The following LMNB1 variants were observed in gnomAD, a reference collection of about 807,000 sequenced individuals.
LMNB1 encodes lamin B1.
LMNB1 carries 23 observed loss-of-function variants against 67.1 expected under a neutral mutation model. The observed-to-expected ratio is 0.34, with a 90% CI of 0.25 to 0.49. The LOEUF is 0.49. LMNB1 is among the 20% of genes least tolerant of loss of function. The pLI is 0.99. For missense variants in LMNB1, 634 were observed against 746.5 expected (o/e 0.85, Z 1.76); for synonymous variants, 281 against 282.9 (o/e 0.99, Z 0.07).
chr5:126,777,995 A>G (rs2112912602), intron 1 of LMNB1, 128 bp downstream of exon 1: 1 of 825,682 alleles, frequency 1.2e-6, no homozygotes, highest in Non-Finnish European at 1.7e-6. Context: ...CTGAAGGAAC[A>G]GGGTCTCGGT....
chr5:126,824,293 GA>G (rs778621765), intron 8 of LMNB1, among the ~76,000 whole-genome samples: 2 of 152,054 alleles, frequency 1.3e-5, no homozygotes, highest in Admixed American at 6.6e-5. Flanking sequence ...AAAAAAGAAA[GA>G]CATGAATTTT....
chr5:126,781,686 T>C (rs1273140080), intron 1 of LMNB1, among the ~76,000 whole-genome samples: 2 of 152,160 alleles, frequency 1.3e-5, no homozygotes, highest in Admixed American at 1.3e-4. Flanking sequence ...TCCACCCACC[T>C]CGGCCTCCCA....
chr5:126,802,893 G>A (rs560364888), intron 1 of LMNB1, among the ~76,000 whole-genome samples: 78 of 152,166 alleles, frequency 5.1e-4, no homozygotes, highest in African/African-American at 1.8e-3. Context: ...AAAAAAAGTG[G>A]TTATTTAGAG....
At chr5:126,815,690 A>G (rs1172840380) in intron 5 of LMNB1, among the ~76,000 whole-genome samples, 3 of 152,214 alleles carry the variant, frequency 2.0e-5, no homozygotes, top group Non-Finnish European at 4.4e-5. Flanking sequence ...TAGTGAGATT[A>G]GTTACAGCTT....
chr5:126,810,183 A>G lies in LMNB1; in HGVS notation c.646A>G (p.Ile216Val), dbSNP rs575690626. ...ATGCTTTTTGTTTTTTCCCCAGGAG[A>G]TTAACGAGACCAGAAGGAAGCATGA... ...EFRKSMYEEE[I>V]NETRRKHETR... The change falls in exon 4 of 11, where the codon ATT (isoleucine) becomes GTT (valine). Residue 216 changes from isoleucine (I) to valine (V), a missense_variant. Physicochemically the swap from Ile to Val is conservative, Grantham distance 29. Transcript: ENST00000261366. 8.1e-6 allele frequency: 13 copies of G among 1,610,296 alleles called. No individual in the cohort carries two copies. The South Asian group carries it at 1.2e-4, about 15-fold the overall frequency.
chr5:126,803,546 C>G (rs1561743598), intron 1 of LMNB1, among the ~76,000 whole-genome samples: 2 of 149,958 alleles, frequency 1.3e-5, no homozygotes, highest in African/African-American at 4.9e-5. Context: ...CCACGCCCGG[C>G]CTGTTTGTTT....
intron 9 of LMNB1, among the ~76,000 whole-genome samples, chr5:126,829,863 C>A (rs1752088419): frequency 1.3e-5 from 2 of 151,922 alleles, no homozygotes; most frequent in Admixed American, 1.3e-4. Flanking sequence ...GGGTGTGTAC[C>A]CAGGTAAACC....
At chr5:126,808,459 G>A (rs1295396976) in intron 3 of LMNB1, among the ~76,000 whole-genome samples, 1 of 151,886 alleles carries the variant, frequency 6.6e-6, no homozygotes, top group Non-Finnish European at 1.5e-5. Flanking sequence ...AAAGTGCTGG[G>A]ATTACAGGTG....
intron 1 of LMNB1, among the ~76,000 whole-genome samples, chr5:126,784,863 C>T (rs955186274): frequency 1.3e-5 from 2 of 151,326 alleles, no homozygotes; most frequent in Non-Finnish European, 2.9e-5. Context: ...TGGGTTTCAC[C>T]GTGTTAGCCG....
chr5:126,794,663 A>G (rs900748550), intron 1 of LMNB1, among the ~76,000 whole-genome samples: 1 of 152,202 alleles, frequency 6.6e-6, no homozygotes, highest in African/African-American at 2.4e-5. Flanking sequence ...CTTACAGTAT[A>G]TGAAAGCAGG....
At position 126,777,787 on chromosome 5, in the gene LMNB1, C is replaced by T. The variant is rs74362780; in HGVS notation, c.279C>T (p.Leu93=). 1.8e-3 allele frequency: 2,661 copies of T among 1,506,136 alleles called. 48 individuals carry two copies. The African/African-American group carries it at 0.033, about 19-fold the overall frequency. The allele number at this position is 1,506,136 out of a possible 1,614,324, so 93.3% of individuals were successfully genotyped here. Residue 93 remains leucine, a synonymous_variant, in exon 1 of 11, where the codon CTC becomes CTT. Coordinates refer to ENST00000261366, the MANE Select transcript of LMNB1 (RefSeq NM_005573.4). ...ETELADARRA[L]DDTARERAKL... is the part of the protein sequence containing the mutation. ...AGCTGGCCGACGCGCGACGCGCGCTCGACGACACGGCCCGCGAGCGCGCCA... is the reference window on the plus strand; with the variant it reads ...AGCTGGCCGACGCGCGACGCGCGCTTGACGACACGGCCCGCGAGCGCGCCA...
upstream of LMNB1, chr5:126,777,058 C>A (rs1211062407): frequency 1.9e-5 from 3 of 156,806 alleles, no homozygotes; most frequent in African/African-American, 4.8e-5. Flanking sequence ...GGGAGTGCGG[C>A]GCCGCGGCCC....
chr5:126,815,119 A>G (rs1751676330), intron 5 of LMNB1: 1 of 152,242 alleles, frequency 6.6e-6, no homozygotes, highest in Non-Finnish European at 1.5e-5. Context: ...AAAATCATCA[A>G]AAATAAAAAT....
chr5:126,826,100 A>G lies in LMNB1; in HGVS notation c.1604A>G (p.Gln535Arg), dbSNP rs1751993650. ...GTGAAGGTTATATTGAAAAATTCTC[A>G]GGGAGAGGTATGGCCAGTTTATCAG... ...EDVKVILKNSQGEEVAQRSTV... is the reference protein window; with the variant it reads ...EDVKVILKNSRGEEVAQRSTV... The change falls in exon 9 of 11, where the codon CAG (glutamine) becomes CGG (arginine). Residue 535 changes from glutamine (Q) to arginine (R), a missense_variant. Coordinates refer to ENST00000261366, the MANE Select transcript of LMNB1 (RefSeq NM_005573.4). 1 of 1,612,078 alleles carries G rather than the reference A, an allele frequency of 6.2e-7. No individual in the cohort carries two copies. The highest frequency in any genetic ancestry group is 8.5e-7 in the Non-Finnish European group (1 of 1,178,532).
At chr5:126,835,193 T>C (rs1752221859) in intron 10 of LMNB1, among the ~76,000 whole-genome samples, 1 of 152,042 alleles carries the variant, frequency 6.6e-6, no homozygotes, top group Non-Finnish European at 1.5e-5. Context: ...ATGTATGAGG[T>C]TTTTAGCTTT....
chr5:126,784,394 C>T (rs566036281), intron 1 of LMNB1, among the ~76,000 whole-genome samples: 27 of 136,246 alleles, frequency 2.0e-4, no homozygotes, highest in Non-Finnish European at 3.5e-4. Flanking sequence ...CTCGCTGTGT[C>T]GCCCAGGCTG....
At chr5:126,806,978 C>T (rs1041679603) in intron 3 of LMNB1, among the ~76,000 whole-genome samples, 5 of 152,092 alleles carry the variant, frequency 3.3e-5, no homozygotes, top group Non-Finnish European at 5.9e-5. Flanking sequence ...GAGGTTCCAC[C>T]GTGTTAGCCA....
At chr5:126,824,836 T>TC (rs1580554561) in intron 8 of LMNB1, among the ~76,000 whole-genome samples, 1 of 146,192 alleles carries the variant, frequency 6.8e-6, no homozygotes, top group Non-Finnish European at 1.5e-5. Context: ...TTTTCCTGTT[T>TC]CCACCCCACC....
In LMNB1 at chr5:126,777,664, C is replaced by G. The variant is rs1052239762; in HGVS notation, c.156C>G (p.Ser52Arg). 1 of 1,544,818 alleles carries G rather than the reference C, an allele frequency of 6.5e-7. No homozygotes were observed. The highest frequency in any genetic ancestry group is 8.7e-7 in the Non-Finnish European group (1 of 1,144,874). Residue 52 changes from serine (S) to arginine (R), a missense_variant, in exon 1 of 11, where the codon AGC becomes AGG. Physicochemically the swap from Ser to Arg is moderately radical, Grantham distance 110. Coordinates refer to ENST00000261366, the MANE Select transcript of LMNB1 (RefSeq NM_005573.4). ...RLAVYIDKVR[S>R]LETENSALQL... ...CGGTGTACATCGACAAGGTGCGCAG[C>G]CTGGAGACGGAGAACAGCGCGCTGC... is the stretch of plus-strand genomic sequence containing the variant.
Sources: allele counts gnomAD v4.1 joint callset (sites outside exome capture counted in the v4.1 genomes callset), GRCh38; gene constraint gnomAD v4.1.1; transcripts MANE v1.5; gene names NCBI Gene and HGNC (gene_info 2026-07-23, HGNC 2026-07-21).